LOC128462377: variants seen among roughly 807,000 people sequenced by gnomAD.
the LOC128462377 span, among the ~76,000 whole-genome samples, chr16:89,369,085 T>C: frequency 3.3e-5 from 5 of 152,198 alleles, no homozygotes; most frequent in Admixed American, 2.6e-4. Context: ...TGCCCTACAA[T>C]GATCACATCA....
the LOC128462377 span, among the ~76,000 whole-genome samples, chr16:89,364,067 A>AAC: frequency 0.014 from 2,098 of 150,424 alleles, 52 homozygotes; most frequent in African/African-American, 0.045. Context: ...GCTGATTTAA[A>AAC]ACACACACAC....
the LOC128462377 span, among the ~76,000 whole-genome samples, chr16:89,385,953 G>A: frequency 5.3e-5 from 8 of 152,192 alleles, no homozygotes; most frequent in Non-Finnish European, 1.5e-5. Context: ...AGCACACAGC[G>A]GACAGCAGTC....
chr16:89,395,307 G>A, the LOC128462377 span, among the ~76,000 whole-genome samples: 640 of 152,350 alleles, frequency 4.2e-3, 7 homozygotes, highest in African/African-American at 0.015. Flanking sequence ...TTCCAGCTCC[G>A]TAATCCTGGG....
At chr16:89,317,596 C>A in the LOC128462377 span, among the ~76,000 whole-genome samples, 1 of 152,154 alleles carries the variant, frequency 6.6e-6, no homozygotes, top group Non-Finnish European at 1.5e-5. Context: ...TTTGCACACC[C>A]AGTTCCCTAA....
the LOC128462377 span, among the ~76,000 whole-genome samples, chr16:89,347,768 ACATCTCCAACATTAGG>A: frequency 3.5e-3 from 536 of 152,282 alleles, 3 homozygotes; most frequent in African/African-American, 0.012. Context: ...ATGACCACAA[ACATCTCCAACATTAGG>A]CATCTCCAAC....
chr16:89,388,830 A>G, the LOC128462377 span, among the ~76,000 whole-genome samples: 1 of 152,214 alleles, frequency 6.6e-6, no homozygotes, highest in Admixed American at 6.5e-5. Flanking sequence ...AGCCCGGGGA[A>G]TGATGAACCC....
the LOC128462377 span, among the ~76,000 whole-genome samples, chr16:89,372,107 C>A: frequency 1.5e-4 from 23 of 152,336 alleles, no homozygotes; most frequent in African/African-American, 5.5e-4. Flanking sequence ...GGCGGGCACC[C>A]GGCCCTCGCA....
the LOC128462377 span, among the ~76,000 whole-genome samples, chr16:89,360,957 T>A: frequency 6.6e-6 from 1 of 152,146 alleles, no homozygotes; most frequent in Non-Finnish European, 1.5e-5. Context: ...CTGCTCTGCA[T>A]CAGGTGAGAG....
At chr16:89,399,431 C>G in the LOC128462377 span, among the ~76,000 whole-genome samples, 1 of 152,202 alleles carries the variant, frequency 6.6e-6, no homozygotes. Flanking sequence ...CTGTACGGTT[C>G]CGACTCTGAC....
the LOC128462377 span, among the ~76,000 whole-genome samples, chr16:89,342,926 A>G: frequency 6.6e-6 from 1 of 152,228 alleles, no homozygotes; most frequent in Non-Finnish European, 1.5e-5. Context: ...CCCAGAGCCC[A>G]AAACAGGCAT....
chr16:89,347,597 C>T, the LOC128462377 span, among the ~76,000 whole-genome samples: 2 of 127,474 alleles, frequency 1.6e-5, no homozygotes, highest in African/African-American at 6.1e-5. Flanking sequence ...GGCGACAGAG[C>T]GAGACTCCGT....
the LOC128462377 span, among the ~76,000 whole-genome samples, chr16:89,364,606 G>A: frequency 2.2e-4 from 34 of 152,206 alleles, no homozygotes; most frequent in Admixed American, 2.0e-3. Context: ...ACTGGAAGAA[G>A]AACTGGCTTG....
At chr16:89,390,270 G>A in the LOC128462377 span, among the ~76,000 whole-genome samples, 11 of 134,148 alleles carry the variant, frequency 8.2e-5, no homozygotes, top group African/African-American at 2.0e-4. Flanking sequence ...AGTGTGGCGG[G>A]GAGCACCGAG....
chr16:89,357,443 C>CA, the LOC128462377 span, among the ~76,000 whole-genome samples: 48 of 148,054 alleles, frequency 3.2e-4, no homozygotes, highest in African/African-American at 4.0e-4. Flanking sequence ...GTGCAACTGC[C>CA]AAAAAAAAAC....
chr16:89,416,766 CA>C, the LOC128462377 span, among the ~76,000 whole-genome samples: 7,105 of 105,900 alleles, frequency 0.067, 189 homozygotes, highest in Middle Eastern at 0.083. Flanking sequence ...TCTGTTTCTA[CA>C]AAAAAAAAAA....
At chr16:89,380,815 T>C in the LOC128462377 span, among the ~76,000 whole-genome samples, 1 of 152,180 alleles carries the variant, frequency 6.6e-6, no homozygotes, top group Non-Finnish European at 1.5e-5. Flanking sequence ...GCACTGGGGC[T>C]TATGGGAGGA....
chr16:89,344,154 C>A, the LOC128462377 span, among the ~76,000 whole-genome samples: 2 of 152,208 alleles, frequency 1.3e-5, no homozygotes, highest in Non-Finnish European at 2.9e-5. Flanking sequence ...CTGGGAGGAG[C>A]ACACACGGGC....
At chr16:89,365,966 T>C in the LOC128462377 span, among the ~76,000 whole-genome samples, 1 of 151,958 alleles carries the variant, frequency 6.6e-6, no homozygotes, top group African/African-American at 2.4e-5. Flanking sequence ...CAGTATTTGG[T>C]TTTCTGTCCC....
the LOC128462377 span, among the ~76,000 whole-genome samples, chr16:89,341,050 C>T: frequency 0.019 from 2,877 of 152,258 alleles, 100 homozygotes; most frequent in African/African-American, 0.067. Flanking sequence ...GCTTCAGAAT[C>T]CTTTAACATA....
Sources: gnomAD v4.1 joint callset for allele counts (sites outside exome capture counted in the v4.1 genomes callset) on GRCh38, gnomAD v4.1.1 for gene constraint, MANE v1.5 for transcripts.